CCDC172: variants seen among roughly 807,000 people sequenced by gnomAD.
CCDC172 encodes coiled-coil domain containing 172.
CCDC172 carries 30 observed loss-of-function variants against 38.0 expected under a neutral mutation model. That is an observed-to-expected ratio of 0.79 (90% CI 0.59 to 1.07). The LOEUF is 1.07. CCDC172 is among the 50% of genes least tolerant of loss of function. The pLI, the probability that CCDC172 is intolerant of heterozygous loss-of-function variation, is 0.00. For synonymous variants in CCDC172, 78 were observed against 88.3 expected, an observed-to-expected ratio of 0.88 and a Z score of 0.66; for missense variants, 297 against 290.1, an observed-to-expected ratio of 1.02 and a Z score of -0.17.
intron 1 of CCDC172, 89 bp from the exon 2 acceptor site, chr10:116,324,858 C>A (rs963007653): frequency 1.5e-6 from 1 of 652,268 alleles, no homozygotes; most frequent in Non-Finnish European, 2.7e-6. Flanking sequence ...CGGGCTCCAT[C>A]TTCTTGCTGG....
chr10:116,324,841 C>T (rs1844569332), intron 1 of CCDC172, 106 bp from the exon 2 acceptor site: 1 of 619,364 alleles, frequency 1.6e-6, no homozygotes, highest in Non-Finnish European at 2.9e-6. Flanking sequence ...CAGACACCGT[C>T]TGGCGTCGGG....
rs1307963851 is a variant in CCDC172, at chr10:116,325,362, G to A, written c.139G>A (p.Glu47Lys). The A allele has an allele frequency of 6.2e-6, 10 of 1,613,834 alleles. No individual in the cohort carries two copies. The highest frequency in any genetic ancestry group is 7.6e-6 in the Non-Finnish European group (9 of 1,179,796). Residue 47 changes from glutamate (E) to lysine (K), a missense_variant, in exon 3 of 9, where the codon GAA becomes AAA. Glu to Lys is a moderately conservative substitution (Grantham distance 56, BLOSUM62 1). Coordinates refer to ENST00000333254, the MANE Select transcript of CCDC172 (RefSeq NM_198515.3). ...TAAGAAAGCAACGGAGGAGCTGAAT[G>A]AAGAGAAAATCAAGCTGGAATCTAA... The part of the protein sequence containing the change: ...KIKKATEELN[E>K]EKIKLESKVQ...
At chr10:116,339,069 C>T (rs1844763800) in intron 3 of CCDC172, among the ~76,000 whole-genome samples, 1 of 152,026 alleles carries the variant, frequency 6.6e-6, no homozygotes, top group Non-Finnish European at 1.5e-5. Flanking sequence ...ACACCCTTCT[C>T]AGTAAGCTCT....
At chr10:116,345,742 G>T (rs569379797) in intron 5 of CCDC172, among the ~76,000 whole-genome samples, 1 of 152,032 alleles carries the variant, frequency 6.6e-6, no homozygotes, top group Non-Finnish European at 1.5e-5. Context: ...AAATTAAAAC[G>T]GCAGTGATAT....
At position 116,379,592 on chromosome 10, in the gene CCDC172, G is replaced by C. The variant is rs1845287961; in HGVS notation, c.*234G>C. On this transcript the variant is annotated 3_prime_UTR_variant, in exon 9 of 9. Transcript: ENST00000333254. The stretch of plus-strand genomic sequence containing the variant: ...TGGTTTGATTTTGTTTCTAAAAGAA[G>C]GAAAAGGAGAAGAAGTAGATACCGT... The C allele has an allele frequency of 2.8e-6, 1 of 358,078 alleles. No homozygotes were observed. Among genetic ancestry groups the C allele is most frequent in the South Asian group, 9.9e-5 (1 of 10,108 alleles). The allele number at this position is 358,078 out of a possible 1,614,324, so 22.2% of individuals were successfully genotyped here. A position where few individuals can be genotyped will look rare whatever the true frequency, so the allele number is the denominator to read the frequency against.
At chr10:116,356,182 TAGC>T (rs1281302275) in intron 5 of CCDC172, among the ~76,000 whole-genome samples, 4 of 151,768 alleles carry the variant, frequency 2.6e-5, no homozygotes, top group African/African-American at 9.7e-5. Flanking sequence ...ACACAAAAAT[TAGC>T]CAGGCATGGT....
chr10:116,350,020 T>C (rs1043207077), intron 5 of CCDC172, among the ~76,000 whole-genome samples: 1 of 152,156 alleles, frequency 6.6e-6, no homozygotes, highest in Admixed American at 6.5e-5. Flanking sequence ...GCAAATCACC[T>C]GAAGGGAGAT....
intron 8 of CCDC172, 128 bp from the exon 9 acceptor site, chr10:116,379,195 T>G (rs187357393): frequency 1.9e-6 from 1 of 513,760 alleles, no homozygotes; most frequent in Non-Finnish European, 3.3e-6. Flanking sequence ...TGAATTTATT[T>G]TTTTTTATAA....
At position 116,333,117 on chromosome 10, in the gene CCDC172, AT is replaced by A. The variant is rs1004845498; in HGVS notation, c.166-7608del. ...TAAGAACAGTAAGTAATTGATTACA[AT>A]TTTTTTTTCATCCTGTGCTCTTCAC... On this transcript the variant is annotated intron_variant, in intron 3 of 8. Transcript: ENST00000333254. 1.3e-4 allele frequency among the ~76,000 whole-genome samples: 19 copies of A among 151,186 alleles called. No individual in the cohort carries two copies. The South Asian group carries it at 3.2e-3, about 25-fold the overall frequency.
At chr10:116,362,696 C>T (rs757842287) in intron 7 of CCDC172, among the ~76,000 whole-genome samples, 2 of 152,106 alleles carry the variant, frequency 1.3e-5, no homozygotes, top group Non-Finnish European at 2.9e-5. Context: ...GTGTCTGTAC[C>T]TTACCTATAT....
chr10:116,353,029 TC>T (rs1333083814), intron 5 of CCDC172, among the ~76,000 whole-genome samples: 4 of 151,796 alleles, frequency 2.6e-5, no homozygotes, highest in Non-Finnish European at 5.9e-5. Context: ...CCGTCTCTAC[TC>T]AAAATACAAA....
intron 3 of CCDC172, among the ~76,000 whole-genome samples, chr10:116,338,298 G>A (rs976555231): frequency 3.3e-5 from 5 of 151,996 alleles, no homozygotes; most frequent in African/African-American, 1.2e-4. Context: ...TAGATCCTAT[G>A]TAAATTTGAA....
intron 5 of CCDC172, among the ~76,000 whole-genome samples, chr10:116,344,855 A>G (rs957701109): frequency 2.7e-5 from 4 of 147,400 alleles, no homozygotes; most frequent in Non-Finnish European, 4.5e-5. Context: ...TTATTTTTTT[A>G]CTTGAAACTA....
At chr10:116,330,658 C>T (rs573702575) in intron 3 of CCDC172, among the ~76,000 whole-genome samples, 1 of 152,298 alleles carries the variant, frequency 6.6e-6, no homozygotes, top group East Asian at 1.9e-4. Context: ...TATTCTCCAA[C>T]TGAAAAACGT....
intron 5 of CCDC172, among the ~76,000 whole-genome samples, chr10:116,348,650 C>T (rs1844895132): frequency 6.6e-6 from 1 of 151,906 alleles, no homozygotes; most frequent in Non-Finnish European, 1.5e-5. Context: ...TTGTATTAAG[C>T]CTCTTAGGTT....
In CCDC172 at chr10:116,357,476, T is replaced by C. The variant is rs769284084; in HGVS notation, c.545T>C (p.Leu182Pro). The C allele has an allele frequency of 6.4e-7, 1 of 1,557,406 alleles. No homozygotes were observed. Among genetic ancestry groups the C allele is most frequent in the Non-Finnish European group, 8.7e-7 (1 of 1,151,886 alleles). Reference sequence around the variant, plus strand: ...GAATTATTTACTCTCCAAAGAAAACTTAAAGGTATTACCTTCATGAGTTAG... The same window carrying C: ...GAATTATTTACTCTCCAAAGAAAACCTAAAGGTATTACCTTCATGAGTTAG... ...IQELFTLQRK[L>P]KVFEDEENES... The change falls in exon 6 of 9, where the codon CTT becomes CCT. Residue 182 changes from leucine to proline, a missense_variant. Physicochemically the swap from Leu to Pro is moderately conservative, Grantham distance 98. Coordinates refer to ENST00000333254, the MANE Select transcript of CCDC172 (RefSeq NM_198515.3).
chr10:116,348,284 C>T (rs1233378117), intron 5 of CCDC172, among the ~76,000 whole-genome samples: 1 of 152,092 alleles, frequency 6.6e-6, no homozygotes, highest in East Asian at 1.9e-4. Flanking sequence ...GTCTTCTTAC[C>T]TGTCAGTGTT....
At chr10:116,365,597 AAAT>A (rs1845113737) in intron 7 of CCDC172, among the ~76,000 whole-genome samples, 1 of 152,330 alleles carries the variant, frequency 6.6e-6, no homozygotes, top group East Asian at 1.9e-4. Flanking sequence ...ATACATGTGT[AAAT>A]ATATGATGCT....
intron 7 of CCDC172, among the ~76,000 whole-genome samples, chr10:116,373,877 G>A (rs1189453041): frequency 6.6e-6 from 1 of 152,064 alleles, no homozygotes; most frequent in East Asian, 1.9e-4. Flanking sequence ...CCATATGCAA[G>A]CATTACAACT....
Sources: gnomAD v4.1 joint callset for allele counts (sites outside exome capture counted in the v4.1 genomes callset) on GRCh38, gnomAD v4.1.1 for gene constraint, MANE v1.5 for transcripts, NCBI Gene and HGNC (gene_info 2026-07-23, HGNC 2026-07-21) for gene names.